Variants in IPO9 observed in about 807,000 individuals in gnomAD.
IPO9 encodes the protein importin 9, also known as importin-9.
In IPO9, 28 loss-of-function variants were observed where a neutral mutation model predicts 128.6. The observed-to-expected ratio is 0.22, with a 90% CI of 0.16 to 0.30. The LOEUF (loss-of-function observed/expected upper bound fraction) is 0.30. Among genes scored for constraint, IPO9 ranks in the 10% least tolerant of loss-of-function variants. The probability of loss-of-function intolerance (pLI) is 1.00; values close to 1 mark genes in which losing one functional copy is unlikely to be tolerated. For missense variants in IPO9, 935 were observed against 1,293.9 expected (o/e 0.72, Z 4.26); for synonymous variants, 455 against 475.8 (o/e 0.96, Z 0.57).
At chr1:201,875,630 C>T (rs999711486) in intron 23 of IPO9, among the ~76,000 whole-genome samples, 5 of 151,918 alleles carry the variant, frequency 3.3e-5, no homozygotes, top group African/African-American at 9.7e-5. Flanking sequence ...AACATGGGAG[C>T]CTCATGGGAA....
At chr1:201,832,620 G>A (rs970726913) in intron 1 of IPO9, among the ~76,000 whole-genome samples, 10 of 152,176 alleles carry the variant, frequency 6.6e-5, no homozygotes, top group African/African-American at 2.4e-4. Flanking sequence ...ATTATTATTT[G>A]TGTTCTGGTA....
chr1:201,869,412 A>G (rs1680610167), intron 16 of IPO9, among the ~76,000 whole-genome samples, 178 bp from the exon 17 acceptor site: 1 of 152,222 alleles, frequency 6.6e-6, no homozygotes, highest in South Asian at 2.1e-4. Context: ...TTAGTAAGCT[A>G]TTATGAGAAG....
intron 11 of IPO9, among the ~76,000 whole-genome samples, chr1:201,858,236 A>G (rs980801690): frequency 2.6e-5 from 4 of 152,210 alleles, no homozygotes; most frequent in Admixed American, 6.5e-5. Context: ...TTAGCCTTAC[A>G]ATGCCTAGGC....
At chr1:201,834,607 C>T (rs1044502078) in intron 1 of IPO9, among the ~76,000 whole-genome samples, 3 of 152,150 alleles carry the variant, frequency 2.0e-5, no homozygotes, top group Non-Finnish European at 2.9e-5. Context: ...TTTAATTCTT[C>T]GTGCCAGCAT....
intron 23 of IPO9, 69 bp downstream of exon 23, chr1:201,875,297 A>T: frequency 7.4e-7 from 1 of 1,356,772 alleles, no homozygotes; most frequent in South Asian, 1.2e-5. Flanking sequence ...TATGGGCTCA[A>T]ATCCATTTAT....
At chr1:201,874,041 T>C (rs1490163991) in intron 20 of IPO9, among the ~76,000 whole-genome samples, 4 of 152,204 alleles carry the variant, frequency 2.6e-5, no homozygotes, top group African/African-American at 9.6e-5. Flanking sequence ...ATCCCTGAAC[T>C]CTCATCTCTC....
At chr1:201,861,617 T>C (rs1364821194) in intron 13 of IPO9, among the ~76,000 whole-genome samples, 1 of 152,240 alleles carries the variant, frequency 6.6e-6, no homozygotes, top group Non-Finnish European at 1.5e-5. Flanking sequence ...AACCCCATCA[T>C]AAGCAGAGGA....
At chr1:201,875,389 AG>A (rs1244398224) in intron 23 of IPO9, among the ~76,000 whole-genome samples, 161 bp downstream of exon 23, 12 of 152,328 alleles carry the variant, frequency 7.9e-5, no homozygotes, top group African/African-American at 2.6e-4. Flanking sequence ...CAGGAGTTCA[AG>A]ACCAGTCTGA....
chr1:201,847,356 C>T lies in IPO9; in HGVS notation c.225+16C>T, dbSNP rs1343542717. 23 of 1,607,156 alleles carry T rather than the reference C, an allele frequency of 1.4e-5. No individual in the cohort carries two copies. Among genetic ancestry groups the T allele is most frequent in the Non-Finnish European group, 1.9e-5 (22 of 1,175,108 alleles). Reference sequence around the variant, plus strand: ...AATCCGTCAGGTAAGTCCAGACTGGCCCAATTTATAAATAGTTTCCCTTTC... The same window carrying T: ...AATCCGTCAGGTAAGTCCAGACTGGTCCAATTTATAAATAGTTTCCCTTTC... On this transcript the variant is annotated intron_variant, in intron 2 of 23. Coordinates refer to ENST00000361565, the MANE Select transcript of IPO9 (RefSeq NM_018085.5).
chr1:201,838,853 A>G (rs769270338), intron 1 of IPO9, among the ~76,000 whole-genome samples: 2 of 152,242 alleles, frequency 1.3e-5, no homozygotes, highest in Admixed American at 1.3e-4. Flanking sequence ...TTTAAAAACC[A>G]AAACCAATTT....
rs998716043 is a variant in IPO9, at chr1:201,877,353, T to C, written c.*1299T>C. The C allele has an allele frequency of 6.6e-5, 10 of 152,100 alleles. No homozygotes were observed. Among genetic ancestry groups the C allele is most frequent in the African/African-American group, 2.4e-4 (10 of 41,404 alleles). The allele number at this position is 152,100 out of a possible 1,614,324, so 9.4% of individuals were successfully genotyped here. ...TGCATTTCTACTAAAAATACAAAAA[T>C]TAGCTGGGCATGGTGGTGCATGCCT... On this transcript the variant is annotated 3_prime_UTR_variant, in exon 24 of 24. Transcript: ENST00000361565.
intron 1 of IPO9, among the ~76,000 whole-genome samples, chr1:201,841,917 A>G (rs1206139573): frequency 1.3e-5 from 2 of 152,238 alleles, no homozygotes; most frequent in African/African-American, 2.4e-5. Flanking sequence ...CTCTCACACT[A>G]CAACAGTCAA....
intron 14 of IPO9, among the ~76,000 whole-genome samples, 167 bp downstream of exon 14, chr1:201,863,774 T>C (rs765136035): frequency 1.2e-4 from 18 of 152,234 alleles, no homozygotes; most frequent in Non-Finnish European, 2.2e-4. Flanking sequence ...GACATGGCTT[T>C]TGTGAGTCCA....
At chr1:201,829,641 C>T in intron 1 of IPO9, 1 of 349,120 alleles carries the variant, frequency 2.9e-6, no homozygotes, top group Non-Finnish European at 5.2e-6. Flanking sequence ...CTAGAATCTG[C>T]AGGGGACGGA....
chr1:201,856,148 T>C (rs1242536909), intron 10 of IPO9, among the ~76,000 whole-genome samples: 57 of 148,862 alleles, frequency 3.8e-4, no homozygotes, highest in South Asian at 1.3e-3. Context: ...TTTTTTTTTT[T>C]CCCAGCAAAG....
rs552934547 is a variant in IPO9, at chr1:201,849,841, G to T, written c.514+1247G>T. Among the ~76,000 whole-genome samples the T allele has an allele frequency of 1.4e-3, 206 of 152,272 alleles. 1 individual carries two copies. The highest frequency in any genetic ancestry group is 4.7e-3 in the African/African-American group (197 of 41,560). On this transcript the variant is annotated intron_variant, in intron 4 of 23. Coordinates refer to ENST00000361565, the MANE Select transcript of IPO9 (RefSeq NM_018085.5). ...TCAGAATGTTCCTTGCTCAGATTTT[G>T]ACTTCTCTGCTTATTGCCCTTTCTT...
chr1:201,866,981 A>AT (rs1320049088), intron 15 of IPO9, 22 bp downstream of exon 15: 4 of 1,571,728 alleles, frequency 2.5e-6, no homozygotes, highest in Non-Finnish European at 3.5e-6. Context: ...GGGAGGATGT[A>AT]TTATGAGGGG....
At chr1:201,842,542 G>A (rs1680053302) in intron 1 of IPO9, among the ~76,000 whole-genome samples, 1 of 152,174 alleles carries the variant, frequency 6.6e-6, no homozygotes, top group Non-Finnish European at 1.5e-5. Context: ...CAGCTATCAA[G>A]TCAGCTTATT....
intron 4 of IPO9, 48 bp downstream of exon 4, chr1:201,848,642 C>T (rs1187323537): frequency 1.3e-6 from 2 of 1,577,532 alleles, no homozygotes; most frequent in Admixed American, 1.7e-5. Context: ...TCTCAAGCGA[C>T]AGGAGTATTA....
Sources: gnomAD v4.1 joint callset for allele counts (sites outside exome capture counted in the v4.1 genomes callset) on GRCh38, gnomAD v4.1.1 for gene constraint, MANE v1.5 for transcripts, NCBI Gene and HGNC (gene_info 2026-07-23, HGNC 2026-07-21) for gene names.